SESN3: variants seen among roughly 807,000 people sequenced by gnomAD.
The protein encoded by SESN3 is sestrin-3.
A neutral mutation model predicts 55.3 loss-of-function variants in SESN3; 21 were observed. The ratio of observed to expected loss-of-function variants is 0.38; its 90% CI spans 0.27 to 0.55. The LOEUF (loss-of-function observed/expected upper bound fraction) is 0.55. SESN3 is among the 20% of genes least tolerant of loss of function. SESN3 has a pLI of 0.76. For synonymous variants in SESN3, 181 were observed against 203.1 expected (o/e 0.89, Z 0.93); for missense variants, 408 against 604.3 (o/e 0.68, Z 3.41).
At chr11:95,216,999 A>C (rs1210236407) in intron 1 of SESN3, among the ~76,000 whole-genome samples, 1 of 151,642 alleles carries the variant, frequency 6.6e-6, no homozygotes, top group Non-Finnish European at 1.5e-5. Flanking sequence ...CCAGCTTCTC[A>C]GGAGGCTGAG....
rs1226502733 is a variant in SESN3, at chr11:95,167,096, G to A, written c.*6159C>T. 1 of 152,090 alleles carries A rather than the reference G, an allele frequency of 6.6e-6. No homozygotes were observed. Among genetic ancestry groups the A allele is most frequent in the Non-Finnish European group, 1.5e-5 (1 of 68,010 alleles). 9.4% of individuals were successfully genotyped at this position (152,090 alleles called of 1,614,324 possible). On this transcript the variant is annotated 3_prime_UTR_variant, in exon 10 of 10. Transcript: ENST00000536441. ...GGGGAGCCAGTTGAAAATGTGTAAA[G>A]ATATTAATTTAAGAAAGAGATGTAT...
At chr11:95,190,054 A>G in intron 3 of SESN3, 93 bp from the exon 4 acceptor site, 1 of 888,426 alleles carries the variant, frequency 1.1e-6, no homozygotes, top group African/African-American at 1.7e-5. Flanking sequence ...GGAGCTAATG[A>G]TTTTTATAGC....
At chr11:95,184,776 A>AT (rs944053035) in intron 5 of SESN3, among the ~76,000 whole-genome samples, 182 bp from the exon 6 acceptor site, 45 of 150,244 alleles carry the variant, frequency 3.0e-4, no homozygotes, top group African/African-American at 7.8e-4. Flanking sequence ...CAGAAGTATG[A>AT]TTTTTTTTTT....
chr11:95,185,226 T>C (rs1311280505), intron 5 of SESN3, 30 bp downstream of exon 5: 1 of 1,349,152 alleles, frequency 7.4e-7, no homozygotes, highest in Non-Finnish European at 1.1e-6. Flanking sequence ...AAAGCAAAAA[T>C]AGTAAAGAAA....
rs1859761940 is a variant in SESN3 at position 95,166,988 on chromosome 11, A to G, written c.*6267T>C. ...GAACCAGCGAAATTCAGAAAGCGGA[A>G]GTCTCTCAACATTACAAAGGAAACT... is the stretch of plus-strand genomic sequence containing the variant. On this transcript the variant is annotated 3_prime_UTR_variant, in exon 10 of 10. Coordinates refer to ENST00000536441, the MANE Select transcript of SESN3 (RefSeq NM_144665.4). 6.6e-6 allele frequency: 1 copy of G among 152,226 alleles called. No homozygotes were observed. 9.4% of individuals were successfully genotyped at this position (152,226 alleles called of 1,614,324 possible).
upstream of SESN3, chr11:95,231,358 G>A (rs1205275510): frequency 2.6e-6 from 1 of 384,042 alleles, no homozygotes; most frequent in Non-Finnish European, 4.6e-6. Flanking sequence ...CAATCGCAGG[G>A]GCCGAGGAAG....
chr11:95,192,317 G>T (rs760024064), intron 2 of SESN3, among the ~76,000 whole-genome samples: 1 of 152,054 alleles, frequency 6.6e-6, no homozygotes, highest in Non-Finnish European at 1.5e-5. Flanking sequence ...ATCACACCAA[G>T]AACTGGTTCT....
Position 95,168,648 on chromosome 11 carries a change from G to T in SESN3, c.*4607C>A, listed in dbSNP as rs987187726. On this transcript the variant is annotated 3_prime_UTR_variant, in exon 10 of 10. Coordinates refer to ENST00000536441, the MANE Select transcript of SESN3 (RefSeq NM_144665.4). ...TACACTTGATACTGCATTAACATCT[G>T]GTAGAGTGTCTAGGGCAAAGGTTAG... is the stretch of plus-strand genomic sequence containing the variant. The T allele has an allele frequency of 1.3e-5, 2 of 152,218 alleles. No homozygotes were observed. The highest frequency in any genetic ancestry group is 2.9e-5 in the Non-Finnish European group (2 of 68,068). 9.4% of individuals were successfully genotyped at this position (152,218 alleles called of 1,614,324 possible).
intron 1 of SESN3, among the ~76,000 whole-genome samples, chr11:95,210,017 CAA>C (rs71036380): frequency 8.6e-4 from 52 of 60,198 alleles, no homozygotes; most frequent in South Asian, 7.0e-3. Flanking sequence ...AACTCCATCT[CAA>C]AAAAAAAAAA....
In SESN3 at chr11:95,199,890, T is replaced by C. The variant is rs138044119; in HGVS notation, c.79-6368A>G. Reference sequence around the variant, plus strand: ...AATCTGTTCAACATATAAAACATTCTGGTAAAGTAAAATTTAACTCCACAG... The same window carrying C: ...AATCTGTTCAACATATAAAACATTCCGGTAAAGTAAAATTTAACTCCACAG... On this transcript the variant is annotated intron_variant, in intron 1 of 9. Transcript: ENST00000536441. Among the ~76,000 whole-genome samples, 406 of 152,090 alleles carry C rather than the reference T, an allele frequency of 2.7e-3. 1 individual carries two copies. Among genetic ancestry groups the C allele is most frequent in the Middle Eastern group, 0.02 (6 of 294 alleles).
chr11:95,229,144 G>A (rs902520731), intron 1 of SESN3, among the ~76,000 whole-genome samples: 1 of 152,118 alleles, frequency 6.6e-6, no homozygotes, highest in Non-Finnish European at 1.5e-5. Flanking sequence ...AATCAAACAT[G>A]TCTTAAATGA....
chr11:95,194,559 A>G (rs558119307), intron 1 of SESN3, among the ~76,000 whole-genome samples: 47 of 152,260 alleles, frequency 3.1e-4, no homozygotes, highest in Admixed American at 7.9e-4. Context: ...TGAAATAAAT[A>G]TATTAAACAA....
At chr11:95,227,774 C>T (rs1363169109) in intron 1 of SESN3, among the ~76,000 whole-genome samples, 1 of 152,118 alleles carries the variant, frequency 6.6e-6, no homozygotes, top group Non-Finnish European at 1.5e-5. Flanking sequence ...CTGATAATTA[C>T]CTACCTTCCT....
intron 9 of SESN3, among the ~76,000 whole-genome samples, chr11:95,174,945 T>C (rs1172312615): frequency 1.3e-5 from 2 of 152,200 alleles, no homozygotes; most frequent in African/African-American, 4.8e-5. Flanking sequence ...TTTGGAAAAC[T>C]GTCTACAGTT....
At chr11:95,220,569 T>G (rs918863341) in intron 1 of SESN3, among the ~76,000 whole-genome samples, 3 of 152,210 alleles carry the variant, frequency 2.0e-5, no homozygotes, top group African/African-American at 7.2e-5. Flanking sequence ...AGATTTAATC[T>G]TATAAAATGA....
At position 95,189,824 on chromosome 11, in the gene SESN3, C is replaced by T. The variant is rs759807552; in HGVS notation, c.480G>A (p.Lys160=). 6.2e-7 allele frequency: 1 copy of T among 1,611,368 alleles called. No individual in the cohort carries two copies. The highest frequency in any genetic ancestry group is 1.1e-5 in the South Asian group (1 of 90,878). The change falls in exon 4 of 10, where the codon AAG becomes AAA. Residue 160 remains lysine, a synonymous_variant. Transcript: ENST00000536441. Reference sequence around the variant, plus strand: ...TCAGCCAAGGTCGATGTGCTAGCAGCTTATTAATTTCATTAAGATTTTTCA... The same window carrying T: ...TCAGCCAAGGTCGATGTGCTAGCAGTTTATTAATTTCATTAAGATTTTTCA... The part of the protein sequence containing the change: ...QRLKNLNEIN[K]LLAHRPWLIT...
rs552025706 is a variant in SESN3, at chr11:95,209,557, T to G, written c.79-16035A>C. On this transcript the variant is annotated intron_variant, in intron 1 of 9. Transcript: ENST00000536441. Reference sequence around the variant, plus strand: ...AGCAATCCCATTAGTGGGTATATACTCAAAGGATTATAAATCATTCTACTC... The same window carrying G: ...AGCAATCCCATTAGTGGGTATATACGCAAAGGATTATAAATCATTCTACTC... Among the ~76,000 whole-genome samples, 8 of 151,400 alleles carry G rather than the reference T, an allele frequency of 5.3e-5. No homozygotes were observed. The East Asian group carries it at 1.5e-3, about 29-fold the overall frequency.
At chr11:95,218,750 A>C (rs1490651985) in intron 1 of SESN3, among the ~76,000 whole-genome samples, 1 of 146,184 alleles carries the variant, frequency 6.8e-6, no homozygotes, top group Non-Finnish European at 1.5e-5. Context: ...TCCCGGGTTC[A>C]CGGCATTCTC....
intron 1 of SESN3, among the ~76,000 whole-genome samples, chr11:95,198,573 A>C (rs1860405792): frequency 6.6e-6 from 1 of 152,210 alleles, no homozygotes; most frequent in South Asian, 2.1e-4. Context: ...GATCTAGTGA[A>C]TCTTATACAA....
Sources: allele counts gnomAD v4.1 joint callset (sites outside exome capture counted in the v4.1 genomes callset), GRCh38; gene constraint gnomAD v4.1.1; transcripts MANE v1.5; gene names NCBI Gene and HGNC (gene_info 2026-07-23, HGNC 2026-07-21).